KIAA1549: variants seen among roughly 807,000 people sequenced by gnomAD.
KIAA1549 encodes KIAA1549, also known as UPF0606 protein KIAA1549.
In KIAA1549, 70 loss-of-function variants were observed where a neutral mutation model predicts 156.4. That is an observed-to-expected ratio of 0.45 (90% CI 0.37 to 0.55). KIAA1549 has a LOEUF of 0.55. KIAA1549 is among the 20% of genes least tolerant of loss of function. The probability of loss-of-function intolerance (pLI) is 0.00; values close to 1 mark genes in which losing one functional copy is unlikely to be tolerated. For synonymous variants in KIAA1549, 1,103 were observed against 1,066.4 expected (o/e 1.03, Z -0.67); for missense variants, 2,428 against 2,540.9 (o/e 0.96, Z 0.96).
chr7:138,939,751 C>T (rs1813120115), intron 1 of KIAA1549, among the ~76,000 whole-genome samples: 1 of 152,220 alleles, frequency 6.6e-6, no homozygotes, highest in Admixed American at 6.5e-5. Flanking sequence ...CATTACAAGG[C>T]TCCTCATCAA....
chr7:138,911,188 G>A lies in KIAA1549; in HGVS notation c.3103C>T (p.Pro1035Ser). 6.3e-7 allele frequency: 1 copy of A among 1,599,938 alleles called. No homozygotes were observed. Among genetic ancestry groups the A allele is most frequent in the Non-Finnish European group, 8.5e-7 (1 of 1,173,010 alleles). Residue 1035 changes from proline to serine, a missense_variant, in exon 4 of 20, where the codon CCT becomes TCT. This residue lies in a region of KIAA1549 where 762 missense variants were observed against 901.6 expected (regional missense o/e 0.85). Coordinates refer to ENST00000422774, the MANE Select transcript of KIAA1549 (RefSeq NM_001164665.2). Reference protein sequence around the residue: ...DQTPLILSVKPSFLVPESRFQ... With the variant: ...DQTPLILSVKSSFLVPESRFQ... Reference sequence around the variant, plus strand: ...CTGGACTCTGGCACAAGGAAAGAAGGTTTCACAGACAGGATTAAAGGAGTC... The same window carrying A: ...CTGGACTCTGGCACAAGGAAAGAAGATTTCACAGACAGGATTAAAGGAGTC...
At position 138,861,131 on chromosome 7, in the gene KIAA1549, G is replaced by T; in HGVS notation, c.5247+8C>A. 1 of 1,613,462 alleles carries T rather than the reference G, an allele frequency of 6.2e-7. No individual in the cohort carries two copies. The highest frequency in any genetic ancestry group is 1.3e-5 in the African/African-American group (1 of 75,058). ...CCCATCAGAGAATTCTAGAAGGCCA[G>T]TACTTACACTGCAGGGATTGTTGGC... On this transcript the variant is annotated splice_region_variant and intron_variant, in intron 16 of 19. Coordinates refer to ENST00000422774, the MANE Select transcript of KIAA1549 (RefSeq NM_001164665.2).
intron 17 of KIAA1549, 69 bp downstream of exon 17, chr7:138,852,154 G>T: frequency 9.7e-7 from 1 of 1,034,498 alleles, no homozygotes; most frequent in Non-Finnish European, 1.5e-6. Context: ...TAAAATTAGT[G>T]AGTTTATAAA....
Position 138,917,222 on chromosome 7 carries a change from A to G in KIAA1549, c.2404T>C (p.Ser802Pro), listed in dbSNP as rs1261025695. ...TVHTTPILTE[S>P]SLFSTLTPPD... ...GGTGTCAGAGTTGAGAACAAAGAAGACTCAGTTAAAATGGGCGTTGTGTGG... is the reference window on the plus strand; with the variant it reads ...GGTGTCAGAGTTGAGAACAAAGAAGGCTCAGTTAAAATGGGCGTTGTGTGG... The change falls in exon 2 of 20, where the codon TCT becomes CCT. Residue 802 changes from serine to proline, a missense_variant. Around this residue, in one of 5 missense-constraint regions of KIAA1549, gnomAD observed 762 missense variants for 901.6 expected, o/e 0.85. Transcript: ENST00000422774. 6.2e-7 allele frequency: 1 copy of G among 1,613,778 alleles called. No homozygotes were observed. The highest frequency in any genetic ancestry group is 2.2e-5 in the East Asian group (1 of 44,892).
chr7:138,854,609 C>T (rs907834978), intron 16 of KIAA1549, among the ~76,000 whole-genome samples: 12 of 151,994 alleles, frequency 7.9e-5, no homozygotes, highest in Admixed American at 7.2e-4. Flanking sequence ...CCCTTGGCAA[C>T]ATTAACTTTA....
At chr7:138,879,203 T>C (rs1178286281) in intron 12 of KIAA1549, among the ~76,000 whole-genome samples, 1 of 152,220 alleles carries the variant, frequency 6.6e-6, no homozygotes. Context: ...AATTGGTTCC[T>C]AAGAAAGCTA....
At chr7:138,961,542 C>G (rs1813847644) in intron 1 of KIAA1549, among the ~76,000 whole-genome samples, 1 of 152,150 alleles carries the variant, frequency 6.6e-6, no homozygotes, top group African/African-American at 2.4e-5. Flanking sequence ...CAGGCCTGGC[C>G]CACTCAACAA....
chr7:138,878,992 A>AGTCATACC (rs11281963), intron 12 of KIAA1549, among the ~76,000 whole-genome samples: 8,327 of 152,212 alleles, frequency 0.055, 728 homozygotes, highest in African/African-American at 0.19. Context: ...CAGCCTTAAC[A>AGTCATACC]GTCATACCCT....
chr7:138,965,119 GT>G (rs773005082), intron 1 of KIAA1549, among the ~76,000 whole-genome samples: 58 of 152,014 alleles, frequency 3.8e-4, no homozygotes, highest in Non-Finnish European at 7.5e-4. Flanking sequence ...TACGGAGGCG[GT>G]TGCTAATTTT....
chr7:138,929,185 T>C (rs1812804250), intron 1 of KIAA1549, among the ~76,000 whole-genome samples: 1 of 152,248 alleles, frequency 6.6e-6, no homozygotes, highest in South Asian at 2.1e-4. Flanking sequence ...ACAGTAGAAC[T>C]TCCTTCAAAA....
chr7:138,968,817 G>A (rs1164223547), intron 1 of KIAA1549, among the ~76,000 whole-genome samples: 2 of 135,602 alleles, frequency 1.5e-5, no homozygotes, highest in Non-Finnish European at 3.0e-5. Flanking sequence ...CCAAGATCGC[G>A]CCACTGCACT....
intron 1 of KIAA1549, among the ~76,000 whole-genome samples, chr7:138,949,508 G>C (rs533249132): frequency 4.1e-4 from 63 of 152,176 alleles, no homozygotes; most frequent in African/African-American, 1.5e-3. Flanking sequence ...CAACTGTGGA[G>C]ACCGAAAGCC....
chr7:138,931,816 T>C (rs192263441), intron 1 of KIAA1549, among the ~76,000 whole-genome samples: 1 of 151,886 alleles, frequency 6.6e-6, no homozygotes. Context: ...CAGTCTTTTG[T>C]TATTGTTTGA....
chr7:138,869,452 A>G, intron 14 of KIAA1549, 86 bp downstream of exon 14: 1 of 1,041,330 alleles, frequency 9.6e-7, no homozygotes, highest in Non-Finnish European at 1.4e-6. Context: ...GCCCTGCAGT[A>G]GCAGAGGGGC....
chr7:138,836,804 C>T lies in KIAA1549; in HGVS notation c.*1102G>A. ...CAAAGCTCTTTTACATTTCTTGATT[C>T]ATTACAGAGAGGCTGAACTGAACTC... On this transcript the variant is annotated 3_prime_UTR_variant, in exon 20 of 20. Transcript: ENST00000422774. The T allele has an allele frequency of 4.5e-6, 1 of 224,662 alleles. No homozygotes were observed. Among genetic ancestry groups the T allele is most frequent in the Non-Finnish European group, 8.9e-6 (1 of 112,772 alleles). 13.9% of individuals were successfully genotyped at this position (224,662 alleles called of 1,614,324 possible).
chr7:138,861,511 A>C (rs760379919), intron 15 of KIAA1549, 55 bp from the exon 16 acceptor site: 2 of 1,423,516 alleles, frequency 1.4e-6, no homozygotes, highest in Non-Finnish European at 9.7e-7. Flanking sequence ...TGGCAACCCT[A>C]AACAGTTTTC....
At chr7:138,854,659 C>A (rs1810332367) in intron 16 of KIAA1549, among the ~76,000 whole-genome samples, 1 of 152,006 alleles carries the variant, frequency 6.6e-6, no homozygotes, top group Non-Finnish European at 1.5e-5. Flanking sequence ...ATTAGATATG[C>A]ACAGATAAAG....
At chr7:138,838,744 C>T (rs755501089) in intron 19 of KIAA1549, among the ~76,000 whole-genome samples, 1 of 152,062 alleles carries the variant, frequency 6.6e-6, no homozygotes, top group Non-Finnish European at 1.5e-5. Context: ...AATCTGCGTA[C>T]TAAAAACCAT....
At chr7:138,935,290 G>A (rs1812977508) in intron 1 of KIAA1549, among the ~76,000 whole-genome samples, 1 of 152,186 alleles carries the variant, frequency 6.6e-6, no homozygotes, top group African/African-American at 2.4e-5. Flanking sequence ...AGGAGCTAAG[G>A]ATATTAAAAT....
Sources: allele counts gnomAD v4.1 joint callset (sites outside exome capture counted in the v4.1 genomes callset), GRCh38; gene constraint gnomAD v4.1.1; regional missense constraint gnomAD v4.1.1; transcripts MANE v1.5; gene names NCBI Gene and HGNC (gene_info 2026-07-23, HGNC 2026-07-21).